ADAMTS2: variants seen among roughly 807,000 people sequenced by gnomAD.
ADAMTS2 encodes A disintegrin and metalloproteinase with thrombospondin motifs 2.
A neutral mutation model predicts 123.0 loss-of-function variants in ADAMTS2; 50 were observed. The ratio of observed to expected loss-of-function variants is 0.41; its 90% CI spans 0.32 to 0.51. The LOEUF is 0.51. Among genes scored for constraint, ADAMTS2 ranks in the 20% least tolerant of loss-of-function variants. ADAMTS2 has a pLI of 0.35. For synonymous variants in ADAMTS2, 678 were observed against 695.4 expected (o/e 0.98, Z 0.39); for missense variants, 1,494 against 1,705.2 (o/e 0.88, Z 2.18).
At chr5:179,141,110 C>T (rs779829931) in intron 10 of ADAMTS2, among the ~76,000 whole-genome samples, 3 of 151,976 alleles carry the variant, frequency 2.0e-5, no homozygotes, top group South Asian at 2.1e-4. Context: ...CCACCGCGCC[C>T]GGCCGACTGC....
intron 2 of ADAMTS2, among the ~76,000 whole-genome samples, chr5:179,297,490 T>C (rs919771261): frequency 1.3e-5 from 2 of 152,014 alleles, no homozygotes; most frequent in African/African-American, 4.8e-5. Context: ...CTGCTAGTAC[T>C]GTCCAGCCAG....
intron 3 of ADAMTS2, among the ~76,000 whole-genome samples, chr5:179,271,585 G>A (rs1766534229): frequency 6.6e-6 from 1 of 152,308 alleles, no homozygotes; most frequent in African/African-American, 2.4e-5. Flanking sequence ...GTCCAAGGGT[G>A]GGGATAAGTC....
At chr5:179,227,410 G>A (rs531982657) in intron 3 of ADAMTS2, among the ~76,000 whole-genome samples, 2 of 152,316 alleles carry the variant, frequency 1.3e-5, no homozygotes, top group African/African-American at 4.8e-5. Flanking sequence ...CTTGGCAGCT[G>A]AAGGGGGCCA....
chr5:179,208,546 C>T (rs1216895400), intron 3 of ADAMTS2, among the ~76,000 whole-genome samples: 1 of 152,174 alleles, frequency 6.6e-6, no homozygotes, highest in Non-Finnish European at 1.5e-5. Flanking sequence ...GGGGAGTCTG[C>T]CCCGGATATC....
Position 179,158,395 on chromosome 5 carries a change from A to G in ADAMTS2, c.1132+328T>C, listed in dbSNP as rs549410721. 6.6e-6 allele frequency among the ~76,000 whole-genome samples: 1 copy of G among 152,302 alleles called. No individual in the cohort carries two copies. Among genetic ancestry groups the G allele is most frequent in the East Asian group, 1.9e-4 (1 of 5,178 alleles). On this transcript the variant is annotated intron_variant, in intron 6 of 21. Transcript: ENST00000251582. The surrounding 1 kb of genome is among the most constrained non-coding windows in gnomAD (Gnocchi z 5.0). ...CATGTGAGATGCTCTCTGTCTATAG[A>G]GTGAGTGGAGGTGACAGGCCTCCTT...
At chr5:179,223,524 A>ACGCATG in intron 3 of ADAMTS2, among the ~76,000 whole-genome samples, 1 of 147,032 alleles carries the variant, frequency 6.8e-6, no homozygotes, top group Non-Finnish European at 1.5e-5. Context: ...ATGCACTCAC[A>ACGCATG]CACATGCACT....
intron 3 of ADAMTS2, among the ~76,000 whole-genome samples, chr5:179,230,925 G>A (rs972883495): frequency 9.9e-5 from 15 of 152,012 alleles, no homozygotes; most frequent in African/African-American, 3.6e-4. Flanking sequence ...GCAGGAGAAT[G>A]GCTTGAACCC....
Position 179,272,997 on chromosome 5 carries a change from T to A in ADAMTS2, c.602A>T (p.Gln201Leu). 1 of 1,613,172 alleles carries A rather than the reference T, an allele frequency of 6.2e-7. No individual in the cohort carries two copies. The highest frequency in any genetic ancestry group is 8.5e-7 in the Non-Finnish European group (1 of 1,180,012). The part of the protein sequence containing the change: ...IEPLEKGLAA[Q>L]EAEQGRVHVV... ...ATGCACACGGCCTTGCTCAGCCTCC[T>A]GCGCCGCCAGCCCCTTCTCCAAGGG... Residue 201 changes from glutamine to leucine, a missense_variant, in exon 3 of 22, where the codon CAG becomes CTG. Transcript: ENST00000251582. The surrounding 1 kb of genome is among the most constrained non-coding windows in gnomAD (Gnocchi z 5.8).
intron 2 of ADAMTS2, among the ~76,000 whole-genome samples, chr5:179,313,186 G>T (rs1756878427): frequency 6.6e-6 from 1 of 152,142 alleles, no homozygotes; most frequent in Admixed American, 6.5e-5. Context: ...TGTGAAGAGG[G>T]GACGCACACG....
rs562179072 is a variant in ADAMTS2 at position 179,298,125 on chromosome 5, G to A, written c.535-25061C>T. Among the ~76,000 whole-genome samples the A allele has an allele frequency of 2.3e-4, 35 of 152,224 alleles. 2 individuals are homozygous for A. In the South Asian group the frequency reaches 3.3e-3, roughly 14 times the overall value. ...ACAGTGACCCTGCAACGCAGATTCC[G>A]TGCTCCCTTCAGAAGCCCACCTGAC... On this transcript the variant is annotated intron_variant, in intron 2 of 21. Transcript: ENST00000251582.
chr5:179,285,371 C>A lies in ADAMTS2; in HGVS notation c.535-12307G>T, dbSNP rs1407063045. Among the ~76,000 whole-genome samples, 1 of 150,076 alleles carries A rather than the reference C, an allele frequency of 6.7e-6. No individual in the cohort carries two copies. The highest frequency in any genetic ancestry group is 2.5e-5 in the African/African-American group (1 of 39,414). ...CGACAAGAATGCCTCACGGGGCCAG[C>A]GCAGGGGCCAGCCAGGCGGCCTTCT... On this transcript the variant is annotated intron_variant, in intron 2 of 21. Coordinates refer to ENST00000251582, the MANE Select transcript of ADAMTS2 (RefSeq NM_014244.5). The surrounding 1 kb of genome is among the most constrained non-coding windows in gnomAD (Gnocchi z 4.9).
intron 2 of ADAMTS2, among the ~76,000 whole-genome samples, chr5:179,318,533 G>T (rs1440400225): frequency 1.3e-5 from 2 of 152,232 alleles, no homozygotes; most frequent in South Asian, 4.1e-4. Context: ...TGGTGGGGAA[G>T]AAGCCAAGCA....
In ADAMTS2 at chr5:179,132,713, C is replaced by A; in HGVS notation, c.2209+64G>T. On this transcript the variant is annotated intron_variant, in intron 14 of 21. Transcript: ENST00000251582. The surrounding 1 kb of genome is among the most constrained non-coding windows in gnomAD (Gnocchi z 6.1). Reference sequence around the variant, plus strand: ...GCCCCAGGATGAGTCAGGCCCTCAGCTGTCCGGGCATGAGCCTGCTGCAGG... The same window carrying A: ...GCCCCAGGATGAGTCAGGCCCTCAGATGTCCGGGCATGAGCCTGCTGCAGG... 6.2e-7 allele frequency: 1 copy of A among 1,610,504 alleles called. No homozygotes were observed. The highest frequency in any genetic ancestry group is 8.5e-7 in the Non-Finnish European group (1 of 1,177,286).
chr5:179,322,639 G>A (rs768810250), intron 2 of ADAMTS2, among the ~76,000 whole-genome samples: 2 of 152,242 alleles, frequency 1.3e-5, no homozygotes, highest in Non-Finnish European at 2.9e-5. Context: ...GGCTGCCTCT[G>A]TAATATAAGA....
chr5:179,323,408 G>A (rs1757237132), intron 2 of ADAMTS2, among the ~76,000 whole-genome samples: 2 of 152,232 alleles, frequency 1.3e-5, no homozygotes, highest in African/African-American at 2.4e-5. Flanking sequence ...ACCAGGCTTC[G>A]TGGCAGGTGT....
chr5:179,163,726 A>G (rs1392232369), intron 5 of ADAMTS2, among the ~76,000 whole-genome samples: 1 of 152,184 alleles, frequency 6.6e-6, no homozygotes, highest in Non-Finnish European at 1.5e-5. Context: ...TGCTGCGGCA[A>G]GACAATTTAT....
In ADAMTS2 at chr5:179,189,508, T is replaced by TG. The variant is rs1261632825; in HGVS notation, c.892-8354dup. On this transcript the variant is annotated intron_variant, in intron 4 of 21. Transcript: ENST00000251582. This position sits in a 1 kb window ranked among gnomAD's most constrained non-coding sequence, Gnocchi z 4.2. ...GGCTACAGGCGCCCGCCAGTGCGCC[T>TG]GGTTTTTTTTTTTTTTTTTTTTTTT... Among the ~76,000 whole-genome samples, 3 of 99,138 alleles carry TG rather than the reference T, an allele frequency of 3.0e-5. No homozygotes were observed. The East Asian group carries it at 1.1e-3, about 37-fold the overall frequency. 65.0% of individuals were successfully genotyped at this position (99,138 alleles called of 152,430 possible). A position where few individuals can be genotyped will look rare whatever the true frequency, so the allele number is the denominator to read the frequency against.
chr5:179,215,760 C>G (rs1014464160), intron 3 of ADAMTS2, among the ~76,000 whole-genome samples: 2 of 152,062 alleles, frequency 1.3e-5, no homozygotes, highest in South Asian at 4.2e-4. Context: ...TACAAAGTCT[C>G]CCGGAGAATA....
Position 179,113,118 on chromosome 5 carries a change from A to G in ADAMTS2, c.*749T>C, listed in dbSNP as rs1371148746. ...TAATTAGCAAGACTGCATCAGACCA[A>G]GTGGAGGCCTCCTTAAAATGTTCTG... On this transcript the variant is annotated 3_prime_UTR_variant, in exon 22 of 22. Transcript: ENST00000251582. 6.5e-6 allele frequency: 1 copy of G among 152,850 alleles called. No individual in the cohort carries two copies. The highest frequency in any genetic ancestry group is 2.4e-5 in the African/African-American group (1 of 41,462). 9.5% of individuals were successfully genotyped at this position (152,850 alleles called of 1,614,324 possible).
Sources: allele counts gnomAD v4.1 joint callset (sites outside exome capture counted in the v4.1 genomes callset), GRCh38; gene constraint gnomAD v4.1.1; non-coding constraint Gnocchi (gnomAD v3.1); transcripts MANE v1.5; gene names NCBI Gene and HGNC (gene_info 2026-07-23, HGNC 2026-07-21).